The following CDC14A variants were observed in gnomAD, a reference collection of about 807,000 sequenced individuals.
CDC14A encodes the protein dual specificity protein phosphatase CDC14A.
In CDC14A, 53 loss-of-function variants were observed where a neutral mutation model predicts 74.4. That is an observed-to-expected ratio of 0.71 (90% CI 0.57 to 0.89). The LOEUF is 0.89. CDC14A is among the 40% of genes least tolerant of loss of function. The pLI, the probability that CDC14A is intolerant of heterozygous loss-of-function variation, is 0.00. For synonymous variants in CDC14A, 247 were observed against 258.4 expected (o/e 0.96, Z 0.43); for missense variants, 646 against 713.7 (o/e 0.91, Z 1.08).
chr1:100,353,951 C>A (rs1377142284), intron 2 of CDC14A, 99 bp downstream of exon 2: 5 of 682,940 alleles, frequency 7.3e-6, no homozygotes, highest in African/African-American at 1.8e-5. Context: ...CATTTCCCCC[C>A]CAATGATACG....
chr1:100,399,127 G>C (rs1279920641), intron 4 of CDC14A, among the ~76,000 whole-genome samples: 1 of 152,022 alleles, frequency 6.6e-6, no homozygotes, highest in Non-Finnish European at 1.5e-5. Context: ...AAGAAATGTG[G>C]AAAAATTCTC....
At chr1:100,416,956 T>C (rs777809841) in intron 4 of CDC14A, among the ~76,000 whole-genome samples, 7 of 152,134 alleles carry the variant, frequency 4.6e-5, no homozygotes, top group Non-Finnish European at 7.4e-5. Flanking sequence ...TGTGCAATCG[T>C]CCATCATTTT....
At position 100,364,200 on chromosome 1, in the gene CDC14A, C is replaced by CT. The variant is rs1014872052; in HGVS notation, c.140+10360dup. 1.5e-3 allele frequency among the ~76,000 whole-genome samples: 219 copies of CT among 145,982 alleles called. 2 individuals carry two copies. The highest frequency in any genetic ancestry group is 3.8e-3 in the Admixed American group (56 of 14,646). On this transcript the variant is annotated intron_variant, in intron 2 of 15. Coordinates refer to ENST00000336454, the MANE Select transcript of CDC14A (RefSeq NM_003672.4). Reference sequence around the variant, plus strand: ...AGACTTCATCATTATGGATGATCATCTTTTTTTTTTTTAATTTTTTATTTT... The same window carrying CT: ...AGACTTCATCATTATGGATGATCATCTTTTTTTTTTTTTAATTTTTTATTTT...
intron 3 of CDC14A, among the ~76,000 whole-genome samples, chr1:100,383,119 G>A (rs1442962901): frequency 2.6e-5 from 4 of 152,160 alleles, no homozygotes; most frequent in Non-Finnish European, 5.9e-5. Context: ...GGTTCTAGGG[G>A]CTCCAAAGCA....
At chr1:100,351,973 A>AGTGTGTGTGTGT (rs35169146), upstream of CDC14A, among the ~76,000 whole-genome samples, 22 of 146,176 alleles carry the variant, frequency 1.5e-4, no homozygotes, top group African/African-American at 5.5e-4. Flanking sequence ...GGTTTTTACG[A>AGTGTGTGTGTGT]GTGTGTGTGT....
chr1:100,392,345 CGT>C, intron 4 of CDC14A, among the ~76,000 whole-genome samples: 1 of 152,234 alleles, frequency 6.6e-6, no homozygotes, highest in South Asian at 2.1e-4. Flanking sequence ...TGTAAACAAA[CGT>C]GTTTTTCCTG....
rs72974037 is a variant in CDC14A at position 100,452,669 on chromosome 1, A to G, written c.520-2736A>G. 6.4e-3 allele frequency among the ~76,000 whole-genome samples: 974 copies of G among 152,332 alleles called. 11 individuals are homozygous for G. Among genetic ancestry groups the G allele is most frequent in the African/African-American group, 0.022 (935 of 41,562 alleles). On this transcript the variant is annotated intron_variant, in intron 7 of 15. Coordinates refer to ENST00000336454, the MANE Select transcript of CDC14A (RefSeq NM_003672.4). The stretch of plus-strand genomic sequence containing the variant: ...AACAACACCTAAATGTATCACTTTC[A>G]GGAATTCAGATTTTTTTATTTTGGA...
intron 5 of CDC14A, among the ~76,000 whole-genome samples, chr1:100,439,031 A>G (rs1171140130): frequency 6.6e-6 from 1 of 152,234 alleles, no homozygotes; most frequent in Non-Finnish European, 1.5e-5. Flanking sequence ...CTGTAGTGTT[A>G]AAGCTCTGGT....
chr1:100,491,223 A>G (rs1392453420), intron 11 of CDC14A, among the ~76,000 whole-genome samples: 3 of 152,064 alleles, frequency 2.0e-5, no homozygotes, highest in Non-Finnish European at 4.4e-5. Flanking sequence ...AACTTCCACT[A>G]TATGTTTTTT....
chr1:100,459,602 T>G lies in CDC14A; in HGVS notation c.608-3049T>G, dbSNP rs12097838. Among the ~76,000 whole-genome samples, 1,310 of 152,306 alleles carry G rather than the reference T, an allele frequency of 8.6e-3. 20 individuals carry two copies. Among genetic ancestry groups the G allele is most frequent in the African/African-American group, 0.031 (1,276 of 41,574 alleles). ...GTTTTCGAACTTTAAAATGAGGGCC[T>G]GGGAAGAGATGAATAAAAACATCTC... On this transcript the variant is annotated intron_variant, in intron 8 of 15. Coordinates refer to ENST00000336454, the MANE Select transcript of CDC14A (RefSeq NM_003672.4).
intron 7 of CDC14A, among the ~76,000 whole-genome samples, chr1:100,448,401 C>T (rs1665782959): frequency 6.6e-6 from 1 of 152,218 alleles, no homozygotes; most frequent in Admixed American, 6.5e-5. Context: ...CAAACCCAGG[C>T]CACTTCTTTA....
At position 100,505,008 on chromosome 1, in the gene CDC14A, A is replaced by G; in HGVS notation, c.1755+5746A>G. The stretch of plus-strand genomic sequence containing the variant: ...TGCTATTATATACATGAACATCTAT[A>G]TTTGTTTACATATTGTCTGTGTATG... On this transcript the variant is annotated intron_variant, in intron 15 of 15. Transcript: ENST00000336454. 6.2e-6 allele frequency: 8 copies of G among 1,296,858 alleles called. No individual in the cohort carries two copies. The South Asian group carries it at 1.1e-4, about 18-fold the overall frequency. 80.3% of individuals were successfully genotyped at this position (1,296,858 alleles called of 1,614,324 possible).
At chr1:100,360,187 C>T (rs1162245360) in intron 2 of CDC14A, among the ~76,000 whole-genome samples, 1 of 149,762 alleles carries the variant, frequency 6.7e-6, no homozygotes, top group Non-Finnish European at 1.5e-5. Context: ...CTCCTGACCT[C>T]GTGATCTGCC....
At chr1:100,413,728 C>T (rs1190312917) in intron 4 of CDC14A, among the ~76,000 whole-genome samples, 1 of 152,188 alleles carries the variant, frequency 6.6e-6, no homozygotes, top group East Asian at 1.9e-4. Context: ...TACTTTCCTT[C>T]CAGTGACAGC....
intron 2 of CDC14A, among the ~76,000 whole-genome samples, chr1:100,368,713 A>G (rs1653997052): frequency 6.6e-6 from 1 of 152,196 alleles, no homozygotes; most frequent in Non-Finnish European, 1.5e-5. Context: ...AGTTCCCAAT[A>G]GTTAGTTTTG....
chr1:100,354,742 A>T (rs1651654169), intron 2 of CDC14A, among the ~76,000 whole-genome samples: 1 of 152,252 alleles, frequency 6.6e-6, no homozygotes, highest in South Asian at 2.1e-4. Context: ...CGTTTAAATT[A>T]CTTGTTATCT....
At chr1:100,489,938 C>T (rs1385878248) in intron 11 of CDC14A, among the ~76,000 whole-genome samples, 1 of 152,164 alleles carries the variant, frequency 6.6e-6, no homozygotes, top group East Asian at 1.9e-4. Context: ...AGCCTAAGGG[C>T]AGAATGGAGG....
intron 3 of CDC14A, among the ~76,000 whole-genome samples, chr1:100,383,204 A>G (rs951818800): frequency 6.6e-6 from 1 of 152,206 alleles, no homozygotes; most frequent in East Asian, 1.9e-4. Context: ...AGGAATCCTC[A>G]GGCAGGAAGA....
At chr1:100,395,155 G>C (rs543880017) in intron 4 of CDC14A, among the ~76,000 whole-genome samples, 1 of 152,282 alleles carries the variant, frequency 6.6e-6, no homozygotes, top group South Asian at 2.1e-4. Flanking sequence ...TTTGTACTAA[G>C]ACAAACCTTT....
Sources: allele counts gnomAD v4.1 joint callset (sites outside exome capture counted in the v4.1 genomes callset), GRCh38; gene constraint gnomAD v4.1.1; transcripts MANE v1.5; gene names NCBI Gene and HGNC (gene_info 2026-07-23, HGNC 2026-07-21).